The following GJA1 variants were observed in gnomAD, a reference collection of about 807,000 sequenced individuals.
The protein encoded by GJA1 is gap junction protein alpha 1, also known as gap junction alpha-1 protein.
Under a neutral mutation model 31.0 loss-of-function variants are expected in GJA1, and 9 were observed. The observed-to-expected ratio is 0.29, with a 90% CI of 0.17 to 0.51. GJA1 has a LOEUF of 0.51. GJA1 is among the 20% of genes least tolerant of loss of function. The probability of loss-of-function intolerance (pLI) is 0.98; values close to 1 mark genes in which losing one functional copy is unlikely to be tolerated. For synonymous variants in GJA1, 186 were observed against 180.1 expected (o/e 1.03, Z -0.26); for missense variants, 278 against 468.8 (o/e 0.59, Z 3.76).
chr6:121,440,968 AGTCTCG>A (rs1461061385), intron 1 of GJA1, among the ~76,000 whole-genome samples: 1 of 148,544 alleles, frequency 6.7e-6, no homozygotes, highest in Non-Finnish European at 1.5e-5. Context: ...TTTGAGACGG[AGTCTCG>A]CTCTGTCGCC....
intron 1 of GJA1, among the ~76,000 whole-genome samples, chr6:121,442,812 G>A (rs1170612112): frequency 6.6e-6 from 1 of 152,150 alleles, no homozygotes; most frequent in East Asian, 1.9e-4. Context: ...ATCCAGTCTA[G>A]GGGGCCATGA....
intron 1 of GJA1, among the ~76,000 whole-genome samples, chr6:121,443,865 T>C (rs1773839670): frequency 6.6e-6 from 1 of 152,186 alleles, no homozygotes. Flanking sequence ...GTTTTTGTTA[T>C]TTTTCCCCTA....
chr6:121,440,721 C>G (rs1396886629), intron 1 of GJA1, among the ~76,000 whole-genome samples: 1 of 149,934 alleles, frequency 6.7e-6, no homozygotes, highest in African/African-American at 2.5e-5. Flanking sequence ...TGTAGCTATA[C>G]CCCAATTAAT....
chr6:121,446,444 G>C (rs1486778715), intron 1 of GJA1, among the ~76,000 whole-genome samples: 1 of 152,174 alleles, frequency 6.6e-6, no homozygotes, highest in African/African-American at 2.4e-5. Flanking sequence ...TCAGGATTTT[G>C]CTTAGCAAAC....
At chr6:121,441,219 T>A (rs1301238392) in intron 1 of GJA1, among the ~76,000 whole-genome samples, 2 of 152,166 alleles carry the variant, frequency 1.3e-5, no homozygotes, top group Non-Finnish European at 2.9e-5. Context: ...CCCAAAGTGC[T>A]GGGACTACAG....
At chr6:121,442,067 G>T (rs576316151) in intron 1 of GJA1, among the ~76,000 whole-genome samples, 2 of 152,178 alleles carry the variant, frequency 1.3e-5, no homozygotes, top group African/African-American at 4.8e-5. Flanking sequence ...CCTTATGTAG[G>T]TTTAGACTCT....
chr6:121,445,770 A>G (rs879778251), intron 1 of GJA1, among the ~76,000 whole-genome samples: 1 of 152,178 alleles, frequency 6.6e-6, no homozygotes, highest in Non-Finnish European at 1.5e-5. Flanking sequence ...GCAAAAGAGT[A>G]TATTTCCATA....
chr6:121,438,101 G>A (rs993262764), intron 1 of GJA1, among the ~76,000 whole-genome samples: 3 of 152,124 alleles, frequency 2.0e-5, no homozygotes, highest in Non-Finnish European at 2.9e-5. Flanking sequence ...ACCAAGCAAA[G>A]GCAGTACATT....
chr6:121,437,626 GC>G (rs2114269769), intron 1 of GJA1, among the ~76,000 whole-genome samples: 1 of 152,142 alleles, frequency 6.6e-6, no homozygotes, highest in African/African-American at 2.4e-5. Flanking sequence ...CGCCCACCCT[GC>G]CCCTTTAGTG....
chr6:121,436,136 G>GTTT (rs10692429), intron 1 of GJA1, among the ~76,000 whole-genome samples: 2,587 of 102,902 alleles, frequency 0.025, 131 homozygotes, highest in East Asian at 0.24. Flanking sequence ...ATTTTATTTT[G>GTTT]TTTTTTTTTT....
chr6:121,439,427 G>A (rs1418134447), intron 1 of GJA1, among the ~76,000 whole-genome samples: 1 of 152,142 alleles, frequency 6.6e-6, no homozygotes, highest in East Asian at 1.9e-4. Context: ...TCAATTTGGA[G>A]GTGGAAGTAA....
chr6:121,446,767 G>T lies in GJA1; in HGVS notation c.-16-65G>T, dbSNP rs117533544. ...TAGTATTTTGACTATCACCTGAAAG[G>T]TACTAAATGTTAAACTAGTAATTTG... On this transcript the variant is annotated intron_variant, in intron 1 of 1. Coordinates refer to ENST00000282561, the MANE Select transcript of GJA1 (RefSeq NM_000165.5). 7.1e-6 allele frequency: 7 copies of T among 982,898 alleles called. No homozygotes were observed. The African/African-American group carries it at 1.1e-4, about 16-fold the overall frequency. The allele number at this position is 982,898 out of a possible 1,614,324, so 60.9% of individuals were successfully genotyped here.
chr6:121,447,751 A>G lies in GJA1; in HGVS notation c.904A>G (p.Asn302Asp), dbSNP rs775532447. The G allele has an allele frequency of 3.1e-6, 5 of 1,613,914 alleles. No homozygotes were observed. Among genetic ancestry groups the G allele is most frequent in the Non-Finnish European group, 4.2e-6 (5 of 1,180,020 alleles). ...AAACAATTCTTCTTGCCGCAATTAC[A>G]ACAAGCAAGCAAGTGAGCAAAACTG... The part of the protein sequence containing the change: ...DRNNSSCRNY[N>D]KQASEQNWAN... The change falls in exon 2 of 2, where the codon AAC becomes GAC. Residue 302 changes from asparagine (N) to aspartate (D), a missense_variant. Coordinates refer to ENST00000282561, the MANE Select transcript of GJA1 (RefSeq NM_000165.5).
At chr6:121,444,174 T>G (rs1296628224) in intron 1 of GJA1, among the ~76,000 whole-genome samples, 1 of 152,212 alleles carries the variant, frequency 6.6e-6, no homozygotes, top group Non-Finnish European at 1.5e-5. Context: ...TTTGTCAGCC[T>G]TTCAAGCCTT....
At chr6:121,439,223 A>G (rs1453093519) in intron 1 of GJA1, among the ~76,000 whole-genome samples, 1 of 152,176 alleles carries the variant, frequency 6.6e-6, no homozygotes, top group Non-Finnish European at 1.5e-5. Context: ...TTTAAAACCA[A>G]ATGAGCTATA....
chr6:121,438,203 T>TG (rs1372643793), intron 1 of GJA1, among the ~76,000 whole-genome samples: 1 of 152,230 alleles, frequency 6.6e-6, no homozygotes, highest in African/African-American at 2.4e-5. Context: ...CAGGGTAGAC[T>TG]GGTTACCTGG....
chr6:121,448,041 A>T lies in GJA1; in HGVS notation c.*45A>T. The T allele has an allele frequency of 6.5e-7, 1 of 1,533,918 alleles. No individual in the cohort carries two copies. Among genetic ancestry groups the T allele is most frequent in the Non-Finnish European group, 9.0e-7 (1 of 1,107,138 alleles). ...AAGATTCCACTCAATTGTGGAGAAG[A>T]AAAAAGGTGCTGTAGAAAGTGCACC... On this transcript the variant is annotated 3_prime_UTR_variant, in exon 2 of 2. Transcript: ENST00000282561.
In GJA1 at chr6:121,448,547, T is replaced by C. The variant is rs1242269667; in HGVS notation, c.*551T>C. On this transcript the variant is annotated 3_prime_UTR_variant, in exon 2 of 2. Coordinates refer to ENST00000282561, the MANE Select transcript of GJA1 (RefSeq NM_000165.5). ...GACCCTCCAGGTGTCAATGGACTTG[T>C]GCTACTATATTTTTTTATTCTTGGT... The C allele has an allele frequency of 5.8e-6, 1 of 171,846 alleles. No homozygotes were observed. Among genetic ancestry groups the C allele is most frequent in the African/African-American group, 2.4e-5 (1 of 41,476 alleles). The allele number at this position is 171,846 out of a possible 1,614,324, so 10.6% of individuals were successfully genotyped here.
In GJA1 at chr6:121,445,621, C is replaced by A. The variant is rs114120054; in HGVS notation, c.-16-1211C>A. On this transcript the variant is annotated intron_variant, in intron 1 of 1. Transcript: ENST00000282561. ...AATCTTTTCTGGCTGGAGAAAACAC[C>A]CTGAAGTAGGTTTTGTTTGTTTGTT... 7.2e-3 allele frequency among the ~76,000 whole-genome samples: 1,095 copies of A among 152,000 alleles called. 10 individuals are homozygous for A. The highest frequency in any genetic ancestry group is 0.024 in the African/African-American group (999 of 41,464).
Sources: allele counts gnomAD v4.1 joint callset (sites outside exome capture counted in the v4.1 genomes callset), GRCh38; gene constraint gnomAD v4.1.1; transcripts MANE v1.5; gene names NCBI Gene and HGNC (gene_info 2026-07-23, HGNC 2026-07-21).